The following TBC1D5 variants were observed in gnomAD, a reference collection of about 807,000 sequenced individuals.
The protein encoded by TBC1D5 is TBC1 domain family member 5, also known as TBC1 domain family, member 5.
Under a neutral mutation model 100.3 loss-of-function variants are expected in TBC1D5, and 75 were observed. That is an observed-to-expected ratio of 0.75 (90% CI 0.62 to 0.91). The LOEUF (loss-of-function observed/expected upper bound fraction) is 0.91, where lower values mean the gene tolerates loss of function less well. Ranked by LOEUF, TBC1D5 falls within the 40% of genes least tolerant of loss-of-function variation. TBC1D5 has a pLI of 0.00. For missense variants in TBC1D5, 910 were observed against 942.4 expected, an observed-to-expected ratio of 0.97 and a Z score of 0.45; for synonymous variants, 323 against 325.6, an observed-to-expected ratio of 0.99 and a Z score of 0.09.
chr3:17,307,973 A>C lies in TBC1D5; in HGVS notation c.1138+19T>G. On this transcript the variant is annotated intron_variant, in intron 14 of 21. Transcript: ENST00000253692. The stretch of plus-strand genomic sequence containing the variant: ...TCAGGAGTACCTAGTCAAATGTAGG[A>C]AAGGTCATTAATACTTACAAGCATC... 1 of 1,592,872 alleles carries C rather than the reference A, an allele frequency of 6.3e-7. No homozygotes were observed. The highest frequency in any genetic ancestry group is 2.3e-5 in the East Asian group (1 of 43,658).
intron 17 of TBC1D5, 85 bp from the exon 19 acceptor site, chr3:17,214,455 C>A: frequency 1.4e-6 from 2 of 1,380,178 alleles, no homozygotes; most frequent in South Asian, 2.6e-5. Flanking sequence ...AAATGATGAT[C>A]AATTATGATG....
At chr3:17,447,156 T>C (rs1214436425) in intron 3 of TBC1D5, among the ~76,000 whole-genome samples, 2 of 152,164 alleles carry the variant, frequency 1.3e-5, no homozygotes, top group African/African-American at 4.8e-5. Context: ...TCAAAAGATA[T>C]TCATTCAAGT....
In TBC1D5 at chr3:17,602,596, G is replaced by A. The variant is rs531706008; in HGVS notation, c.-36+21253C>T. The stretch of plus-strand genomic sequence containing the variant: ...TTTTTTTTTTTTTTTTTTTTGAGAC[G>A]GAGTCTCTTTCTGTTGCCCAGGCTG... On this transcript the variant is annotated intron_variant, in intron 2 of 21. Coordinates refer to ENST00000253692, the Ensembl canonical transcript of TBC1D5. Among the ~76,000 whole-genome samples the A allele has an allele frequency of 4.0e-5, 4 of 100,222 alleles. 1 individual carries two copies. The South Asian group carries it at 1.4e-3, about 34-fold the overall frequency. 65.7% of individuals were successfully genotyped at this position (100,222 alleles called of 152,430 possible). A position where few individuals can be genotyped will look rare whatever the true frequency, so the allele number is the denominator to read the frequency against.
intron 13 of TBC1D5, among the ~76,000 whole-genome samples, chr3:17,350,794 T>C (rs2090477733): frequency 6.6e-6 from 1 of 152,182 alleles, no homozygotes; most frequent in Admixed American, 6.6e-5. Flanking sequence ...GACAACCATT[T>C]ATTAATTTTA....
intron 8 of TBC1D5, among the ~76,000 whole-genome samples, chr3:17,396,021 T>C (rs1029015923): frequency 1.3e-5 from 2 of 152,124 alleles, no homozygotes; most frequent in African/African-American, 2.4e-5. Flanking sequence ...TTATTTTTCA[T>C]ATTCCTGAAA....
chr3:17,224,156 G>C (rs1017797171), intron 17 of TBC1D5, among the ~76,000 whole-genome samples: 1 of 152,096 alleles, frequency 6.6e-6, no homozygotes, highest in Non-Finnish European at 1.5e-5. Flanking sequence ...TAGTGTTCCT[G>C]CTTATATTAC....
intron 2 of TBC1D5, among the ~76,000 whole-genome samples, chr3:17,621,856 T>G (rs778635275): frequency 2.0e-5 from 3 of 152,212 alleles, no homozygotes; most frequent in Non-Finnish European, 2.9e-5. Flanking sequence ...CAAGGCCAAG[T>G]ACAGAGCCTA....
chr3:17,185,360 T>G, intron 18 of TBC1D5, 152 bp from the exon 20 acceptor site: 2 of 535,308 alleles, frequency 3.7e-6, no homozygotes, highest in South Asian at 3.6e-5. Context: ...AAATCACAAC[T>G]GCCACCACCA....
chr3:17,715,270 C>G lies in TBC1D5; in HGVS notation c.-101+24073G>C, dbSNP rs139327218. On this transcript the variant is annotated intron_variant, in intron 1 of 21. Transcript: ENST00000253692. ...CTTACCTGGGTCCAAGAGAGCAAAG[C>G]ACTCTTCCAGTACTCTAGAGAATAC... Among the ~76,000 whole-genome samples the G allele has an allele frequency of 3.1e-4, 47 of 152,260 alleles. No homozygotes were observed. The East Asian group carries it at 8.5e-3, about 27-fold the overall frequency.
intron 13 of TBC1D5, chr3:17,337,540 AAATCTTGGATCCTT>A (rs2088120142): frequency 1.3e-5 from 2 of 152,196 alleles, no homozygotes; most frequent in African/African-American, 2.4e-5. Flanking sequence ...AATATGGCGA[AAATCTTGGATCCTT>A]AATTGAGCCT....
chr3:17,663,951 TA>T (rs1169589241), intron 1 of TBC1D5, among the ~76,000 whole-genome samples: 4 of 152,232 alleles, frequency 2.6e-5, no homozygotes, highest in Non-Finnish European at 4.4e-5. Flanking sequence ...ATTTTTCATA[TA>T]AAAAACTTAT....
chr3:17,523,422 T>A (rs1027443158), intron 2 of TBC1D5, among the ~76,000 whole-genome samples: 5 of 152,052 alleles, frequency 3.3e-5, no homozygotes, highest in African/African-American at 1.2e-4. Flanking sequence ...TAAAAGGAGC[T>A]CTAACTCTGA....
chr3:17,174,158 C>T (rs968022099), intron 19 of TBC1D5, among the ~76,000 whole-genome samples: 2 of 152,202 alleles, frequency 1.3e-5, no homozygotes, highest in African/African-American at 2.4e-5. Flanking sequence ...TAGCAGTCTT[C>T]CCTCCAGTAG....
chr3:17,202,042 A>G (rs2071525866), intron 18 of TBC1D5, among the ~76,000 whole-genome samples: 1 of 152,188 alleles, frequency 6.6e-6, no homozygotes, highest in African/African-American at 2.4e-5. Flanking sequence ...AAGATGAGGG[A>G]AAGTTTGGAA....
intron 8 of TBC1D5, among the ~76,000 whole-genome samples, chr3:17,385,943 A>C (rs1413798858): frequency 6.6e-6 from 1 of 152,150 alleles, no homozygotes; most frequent in East Asian, 1.9e-4. Flanking sequence ...AATGATGTCA[A>C]ATGCACTGAA....
At chr3:17,234,415 T>C (rs919241498) in intron 17 of TBC1D5, among the ~76,000 whole-genome samples, 5 of 137,864 alleles carry the variant, frequency 3.6e-5, no homozygotes, top group Non-Finnish European at 7.9e-5. Flanking sequence ...ATTTAAAATA[T>C]AGACAAAGGA....
In TBC1D5 at chr3:17,395,093, G is replaced by A. The variant is rs78631967; in HGVS notation, c.509+8088C>T. Among the ~76,000 whole-genome samples the A allele has an allele frequency of 5.3e-3, 809 of 152,184 alleles. 4 individuals carry two copies. The highest frequency in any genetic ancestry group is 0.02 in the Middle Eastern group (6 of 294). ...GAGAAGATTAAGCAAAAACAAAAAG[G>A]AGGGGCGGTTTGGGATGACAGGATA... On this transcript the variant is annotated intron_variant, in intron 8 of 21. Transcript: ENST00000253692.
chr3:17,683,960 T>G (rs575393005), intron 1 of TBC1D5, among the ~76,000 whole-genome samples: 13 of 152,290 alleles, frequency 8.5e-5, no homozygotes, highest in African/African-American at 3.1e-4. Flanking sequence ...TGTGTGTCTG[T>G]GCACATATCT....
intron 7 of TBC1D5, 73 bp from the exon 8 acceptor site, chr3:17,403,321 T>C (rs1438705230): frequency 5.9e-6 from 6 of 1,021,782 alleles, no homozygotes; most frequent in Non-Finnish European, 8.2e-6. Context: ...AATTTAATAA[T>C]GTAAATGGTT....
Sources: allele counts gnomAD v4.1 joint callset (sites outside exome capture counted in the v4.1 genomes callset), GRCh38; gene constraint gnomAD v4.1.1; transcripts MANE v1.5; gene names NCBI Gene and HGNC (gene_info 2026-07-23, HGNC 2026-07-21).